Variants in SLC4A4 observed in about 807,000 individuals in gnomAD.
SLC4A4 encodes the protein electrogenic sodium bicarbonate cotransporter 1.
In SLC4A4, 27 loss-of-function variants were observed where a neutral mutation model predicts 111.5. The observed-to-expected ratio is 0.24, with a 90% CI of 0.18 to 0.33. The LOEUF (loss-of-function observed/expected upper bound fraction) is 0.33. SLC4A4 is among the 10% of genes least tolerant of loss of function. The pLI is 1.00. For synonymous variants in SLC4A4, 443 were observed against 463.4 expected, an observed-to-expected ratio of 0.96 and a Z score of 0.57; for missense variants, 909 against 1,315.5, an observed-to-expected ratio of 0.69 and a Z score of 4.78.
chr4:71,558,005 A>T, intron 22 of SLC4A4, 120 bp downstream of exon 22: 1 of 773,516 alleles, frequency 1.3e-6, no homozygotes, highest in South Asian at 1.5e-5. Flanking sequence ...CTTTGACCTC[A>T]TCACTTTGAT....
At chr4:71,113,910 A>C (rs1037840263) in intron 2 of SLC4A4, among the ~76,000 whole-genome samples, 1 of 152,210 alleles carries the variant, frequency 6.6e-6, no homozygotes, top group African/African-American at 2.4e-5. Context: ...CAAAGTAATT[A>C]GTAGTTATAC....
intron 2 of SLC4A4, among the ~76,000 whole-genome samples, chr4:71,159,930 A>G (rs1022524345): frequency 3.3e-5 from 5 of 152,080 alleles, no homozygotes; most frequent in Non-Finnish European, 5.9e-5. Flanking sequence ...TGATTTTTCT[A>G]TAGTATTTTT....
intron 6 of SLC4A4, among the ~76,000 whole-genome samples, chr4:71,381,550 A>G (rs1415987524): frequency 6.6e-6 from 1 of 152,130 alleles, no homozygotes; most frequent in Non-Finnish European, 1.5e-5. Flanking sequence ...ATTTTATCAT[A>G]CCCAGTTATA....
chr4:71,152,035 C>A (rs1374395475), intron 2 of SLC4A4, among the ~76,000 whole-genome samples: 1 of 151,818 alleles, frequency 6.6e-6, no homozygotes, highest in Non-Finnish European at 1.5e-5. Flanking sequence ...AAAAAATTTT[C>A]TTTCAGAAAA....
intron 2 of SLC4A4, among the ~76,000 whole-genome samples, chr4:71,123,977 G>A (rs1176505278): frequency 6.6e-6 from 1 of 152,086 alleles, no homozygotes; most frequent in African/African-American, 2.4e-5. Context: ...AGTTGCTGTT[G>A]GCTCACTAGG....
chr4:71,372,963 T>C (rs1732022097), intron 6 of SLC4A4, among the ~76,000 whole-genome samples: 1 of 152,184 alleles, frequency 6.6e-6, no homozygotes, highest in Non-Finnish European at 1.5e-5. Flanking sequence ...AAGTGGACAT[T>C]TTTTTGCTTT....
chr4:71,405,704 A>G (rs751031657), intron 7 of SLC4A4, among the ~76,000 whole-genome samples: 1 of 152,204 alleles, frequency 6.6e-6, no homozygotes, highest in Non-Finnish European at 1.5e-5. Flanking sequence ...CTCCACTGCT[A>G]AGATACTATT....
At chr4:71,072,512 T>A (rs1741695078) in intron 1 of SLC4A4, among the ~76,000 whole-genome samples, 1 of 152,164 alleles carries the variant, frequency 6.6e-6, no homozygotes, top group Non-Finnish European at 1.5e-5. Flanking sequence ...GGCATAGTCT[T>A]CTCTTTTTAT....
chr4:71,531,791 ACACACAC>A, intron 16 of SLC4A4, among the ~76,000 whole-genome samples: 3 of 150,396 alleles, frequency 2.0e-5, no homozygotes, highest in African/African-American at 7.4e-5. Context: ...ACACACACAC[ACACACAC>A]ACACACAGAA....
In SLC4A4 at chr4:71,486,938, T is replaced by C; in HGVS notation, c.1904-10T>C. ...TTTTATAGTATAAAATAATTATCTT[T>C]TGCTTACAGCTAATATCTCAATATC... On this transcript the variant is annotated splice_polypyrimidine_tract_variant and intron_variant, in intron 14 of 25. Transcript: ENST00000264485. 6.4e-7 allele frequency: 1 copy of C among 1,567,354 alleles called. No homozygotes were observed. Among genetic ancestry groups the C allele is most frequent in the Non-Finnish European group, 8.8e-7 (1 of 1,141,288 alleles).
At chr4:71,424,912 A>G (rs192597142) in intron 7 of SLC4A4, among the ~76,000 whole-genome samples, 65 of 152,086 alleles carry the variant, frequency 4.3e-4, no homozygotes, top group Admixed American at 2.7e-3. Context: ...AGTGGGTGCA[A>G]TGCACCAACA....
chr4:71,457,696 A>G (rs1051697350), intron 12 of SLC4A4, among the ~76,000 whole-genome samples: 2 of 152,110 alleles, frequency 1.3e-5, no homozygotes, highest in African/African-American at 4.8e-5. Flanking sequence ...TTACCATCCT[A>G]AATAACGTGT....
chr4:71,310,655 C>T (rs1442114981), intron 3 of SLC4A4, among the ~76,000 whole-genome samples: 2 of 152,172 alleles, frequency 1.3e-5, no homozygotes, highest in African/African-American at 4.8e-5. Flanking sequence ...CACCACCAGG[C>T]CTGCCTTACA....
At chr4:71,504,281 C>T (rs1392421783) in intron 16 of SLC4A4, among the ~76,000 whole-genome samples, 2 of 152,122 alleles carry the variant, frequency 1.3e-5, no homozygotes, top group Non-Finnish European at 2.9e-5. Flanking sequence ...TTCACTGTCA[C>T]ACATATAATG....
At chr4:71,494,482 TA>T (rs61225400) in intron 15 of SLC4A4, among the ~76,000 whole-genome samples, 37 of 147,144 alleles carry the variant, frequency 2.5e-4, no homozygotes, top group South Asian at 8.6e-4. Context: ...CCTGGCTAAT[TA>T]AAAAAAAAAA....
chr4:71,148,980 A>G (rs1277512545), intron 2 of SLC4A4, among the ~76,000 whole-genome samples: 2 of 152,170 alleles, frequency 1.3e-5, no homozygotes, highest in Non-Finnish European at 2.9e-5. Context: ...GTCTTCCACA[A>G]TGGTTGAATT....
chr4:71,120,039 CAT>C (rs1287917396), intron 2 of SLC4A4, among the ~76,000 whole-genome samples: 5 of 152,016 alleles, frequency 3.3e-5, no homozygotes, highest in African/African-American at 4.8e-5. Context: ...TGTTTTTAAA[CAT>C]AGTGAATTTT....
At chr4:71,434,460 TG>T in intron 7 of SLC4A4, 1 of 197,256 alleles carries the variant, frequency 5.1e-6, no homozygotes, top group Non-Finnish European at 1.1e-5. Flanking sequence ...CTCTTTCAAC[TG>T]GGCCTCCTCT....
At chr4:71,544,656 C>A (rs980262947) in intron 18 of SLC4A4, among the ~76,000 whole-genome samples, 1 of 152,020 alleles carries the variant, frequency 6.6e-6, no homozygotes, top group African/African-American at 2.4e-5. Flanking sequence ...TTTCCCTATT[C>A]GCCTAACACA....
Sources: gnomAD v4.1 joint callset for allele counts (sites outside exome capture counted in the v4.1 genomes callset) on GRCh38, gnomAD v4.1.1 for gene constraint, MANE v1.5 for transcripts, NCBI Gene and HGNC (gene_info 2026-07-23, HGNC 2026-07-21) for gene names.